Variants in SOX6 observed in about 807,000 individuals in gnomAD.
SOX6 encodes transcription factor SOX-6.
Under a neutral mutation model 97.8 loss-of-function variants are expected in SOX6, and 11 were observed. The observed-to-expected ratio is 0.11, with a 90% CI of 0.07 to 0.19. The LOEUF (loss-of-function observed/expected upper bound fraction) is 0.19, where lower values mean the gene tolerates loss of function less well. Among genes scored for constraint, SOX6 ranks in the 10% least tolerant of loss-of-function variants. The probability of loss-of-function intolerance (pLI) is 1.00; values close to 1 mark genes in which losing one functional copy is unlikely to be tolerated. For synonymous variants in SOX6, 360 were observed against 371.4 expected (o/e 0.97, Z 0.35); for missense variants, 810 against 1,039.5 (o/e 0.78, Z 3.04).
At chr11:16,675,460 C>T (rs914978787) in intron 3 of SOX6, among the ~76,000 whole-genome samples, 1 of 152,126 alleles carries the variant, frequency 6.6e-6, no homozygotes, top group Non-Finnish European at 1.5e-5. Flanking sequence ...CATAGATATA[C>T]AATTATTGGT....
chr11:15,986,363 G>A lies in SOX6; in HGVS notation c.2024C>T (p.Ala675Val). ...QEKQPYYEEQARLSKIHLEKY... is the reference protein window; with the variant it reads ...QEKQPYYEEQVRLSKIHLEKY... ...CTCTAAGTGGATCTTGCTTAGCCGG[G>A]CCTGCTCTTCATAATAAGGTTGCTT... The change falls in exon 15 of 16, where the codon GCC (alanine) becomes GTC (valine). Residue 675 changes from alanine to valine, a missense_variant. This residue lies in a region of SOX6 where 51 missense variants were observed against 145.7 expected (regional missense o/e 0.35). Transcript: ENST00000683767. 2 of 1,613,984 alleles carry A rather than the reference G, an allele frequency of 1.2e-6. No individual in the cohort carries two copies. The highest frequency in any genetic ancestry group is 1.7e-6 in the Non-Finnish European group (2 of 1,179,982).
chr11:16,243,652 A>C (rs1291283593), intron 3 of SOX6, among the ~76,000 whole-genome samples: 1 of 151,974 alleles, frequency 6.6e-6, no homozygotes, highest in Non-Finnish European at 1.5e-5. Flanking sequence ...AAGTTATCTT[A>C]TGCTCCCTTT....
At chr11:16,581,359 A>T (rs1294484975) in intron 4 of SOX6, among the ~76,000 whole-genome samples, 1 of 152,136 alleles carries the variant, frequency 6.6e-6, no homozygotes, top group East Asian at 1.9e-4. Flanking sequence ...CAGAAAACCA[A>T]ACACTACATG....
rs566969298 is a variant in SOX6 at position 16,389,527 on chromosome 11, T to C, written c.-4-48275A>G. 5.9e-5 allele frequency among the ~76,000 whole-genome samples: 9 copies of C among 152,124 alleles called. No homozygotes were observed. In the South Asian group the frequency reaches 1.9e-3, roughly 32 times the overall value. On this transcript the variant is annotated intron_variant, in intron 1 of 15. Transcript: ENST00000396356. ...CCCTTTGGCTCTTTTTAATAATTTA[T>C]CTCTCTCTACTGAGATGTCTTATTT...
At chr11:16,312,179 C>G (rs964256156) in intron 3 of SOX6, 1 of 152,196 alleles carries the variant, frequency 6.6e-6, no homozygotes, top group African/African-American at 2.4e-5. Flanking sequence ...AGCCTGCATA[C>G]TTTCCATTAC....
At chr11:16,353,176 A>G (rs1856991610) in intron 1 of SOX6, among the ~76,000 whole-genome samples, 2 of 152,042 alleles carry the variant, frequency 1.3e-5, no homozygotes, top group South Asian at 4.1e-4. Context: ...GACCAGAGAA[A>G]CCACACCAGC....
intron 2 of SOX6, among the ~76,000 whole-genome samples, chr11:16,337,725 G>T (rs1364863359): frequency 1.3e-5 from 2 of 152,064 alleles, no homozygotes; most frequent in Non-Finnish European, 2.9e-5. Flanking sequence ...AATTTGGTGT[G>T]TATAAATAGG....
intron 3 of SOX6, among the ~76,000 whole-genome samples, chr11:16,643,922 C>T (rs1316682222): frequency 6.6e-6 from 1 of 152,234 alleles, no homozygotes; most frequent in Non-Finnish European, 1.5e-5. Context: ...CTGTCCTGCA[C>T]CCACTGTCTG....
intron 9 of SOX6, among the ~76,000 whole-genome samples, chr11:16,064,146 A>G (rs567955240): frequency 1.3e-5 from 2 of 151,920 alleles, no homozygotes; most frequent in Admixed American, 6.6e-5. Flanking sequence ...GTCCTTCTCC[A>G]AATCTTCAAG....
chr11:16,275,535 ATC>A (rs1377892428), intron 3 of SOX6, among the ~76,000 whole-genome samples: 1 of 152,212 alleles, frequency 6.6e-6, no homozygotes, highest in Non-Finnish European at 1.5e-5. Flanking sequence ...GGTTATTAAC[ATC>A]TTATTGTGAA....
intron 4 of SOX6, among the ~76,000 whole-genome samples, chr11:16,215,262 A>G (rs1190399146): frequency 6.6e-6 from 1 of 152,192 alleles, no homozygotes; most frequent in Non-Finnish European, 1.5e-5. Context: ...ATGTCAAGAC[A>G]ATCAAGCAAT....
In SOX6 at chr11:15,970,276, G is replaced by T. The variant is rs928296476; in HGVS notation, c.*2533C>A. On this transcript the variant is annotated 3_prime_UTR_variant, in exon 16 of 16. Transcript: ENST00000683767. ...TTACTATGAGCAAAATCAAGTTTCA[G>T]TCCTAAAGAACAGTCCTTTGTTCTC... The T allele has an allele frequency of 6.6e-6, 1 of 152,480 alleles. No individual in the cohort carries two copies. Among genetic ancestry groups the T allele is most frequent in the Non-Finnish European group, 1.5e-5 (1 of 68,014 alleles). 9.4% of individuals were successfully genotyped at this position (152,480 alleles called of 1,614,324 possible).
intron 3 of SOX6, among the ~76,000 whole-genome samples, chr11:16,621,399 C>A (rs1305069243): frequency 1.3e-5 from 2 of 152,172 alleles, no homozygotes; most frequent in African/African-American, 2.4e-5. Context: ...CAGTTTACAA[C>A]CATTCCAAGT....
At chr11:15,973,137 C>A in intron 15 of SOX6, 25 bp from the exon 16 acceptor site, 1 of 1,611,604 alleles carries the variant, frequency 6.2e-7, no homozygotes, top group South Asian at 1.1e-5. Context: ...GAAACAAAAT[C>A]AGACAAGGGA....
chr11:16,294,755 T>C (rs563587732), intron 3 of SOX6, among the ~76,000 whole-genome samples: 13 of 152,108 alleles, frequency 8.5e-5, no homozygotes, highest in Non-Finnish European at 1.2e-4. Flanking sequence ...CATTACAGAA[T>C]ATGGAACATA....
At chr11:16,622,193 G>T (rs1848553913) in intron 3 of SOX6, among the ~76,000 whole-genome samples, 2 of 152,130 alleles carry the variant, frequency 1.3e-5, no homozygotes, top group South Asian at 4.1e-4. Flanking sequence ...AGTCTTTTAA[G>T]TGTTACTTTT....
intron 4 of SOX6, among the ~76,000 whole-genome samples, chr11:16,572,555 T>A (rs1847948713): frequency 6.6e-6 from 1 of 152,216 alleles, no homozygotes; most frequent in African/African-American, 2.4e-5. Context: ...TTTATACTAC[T>A]ACAATGTAAA....
At position 16,089,343 on chromosome 11, in the gene SOX6, C is replaced by T. The variant is rs184126786; in HGVS notation, c.1101+6653G>A. 3.9e-5 allele frequency among the ~76,000 whole-genome samples: 6 copies of T among 152,180 alleles called. No individual in the cohort carries two copies. The East Asian group carries it at 9.7e-4, about 25-fold the overall frequency. ...AATTTGACTCAAGATGACTCTACTG[C>T]TGTCACCAATTATAAGAGAAGAATG... On this transcript the variant is annotated intron_variant, in intron 9 of 15. Coordinates refer to ENST00000683767, the MANE Select transcript of SOX6 (RefSeq NM_001367873.1).
intron 12 of SOX6, among the ~76,000 whole-genome samples, chr11:16,045,516 G>C (rs1362487666): frequency 6.6e-6 from 1 of 152,090 alleles, no homozygotes; most frequent in South Asian, 2.1e-4. Context: ...AATCAGTCTA[G>C]GGATTCCCAT....
Sources: allele counts gnomAD v4.1 joint callset (sites outside exome capture counted in the v4.1 genomes callset), GRCh38; gene constraint gnomAD v4.1.1; regional missense constraint gnomAD v4.1.1; transcripts MANE v1.5; gene names NCBI Gene and HGNC (gene_info 2026-07-23, HGNC 2026-07-21).